The following ESRRG variants were observed in gnomAD, a reference collection of about 807,000 sequenced individuals.
ESRRG encodes the protein estrogen-related receptor gamma.
In ESRRG, 13 loss-of-function variants were observed where a neutral mutation model predicts 44.0. The observed-to-expected ratio is 0.30, with a 90% CI of 0.19 to 0.47. ESRRG has a LOEUF of 0.47. Ranked by LOEUF, ESRRG falls within the 20% of genes least tolerant of loss-of-function variation. The pLI is 1.00. For missense variants in ESRRG, 395 were observed against 580.6 expected (o/e 0.68, Z 3.29); for synonymous variants, 215 against 214.6 (o/e 1.00, Z -0.02).
chr1:216,972,984 C>G lies in ESRRG; in HGVS notation c.-105-33311G>C, dbSNP rs1174900868. On this transcript the variant is annotated intron_variant, in intron 1 of 7. Transcript: ENST00000359162. ...CATCGCCAGATCCTGTTGGCACTACCTTTGAAGCAGACCCAGGGAATCTAA... is the reference window on the plus strand; with the variant it reads ...CATCGCCAGATCCTGTTGGCACTACGTTTGAAGCAGACCCAGGGAATCTAA... 3.3e-5 allele frequency among the ~76,000 whole-genome samples: 5 copies of G among 152,118 alleles called. No individual in the cohort carries two copies. The East Asian group carries it at 9.7e-4, about 29-fold the overall frequency.
At chr1:217,015,200 G>A (rs905573521) in intron 1 of ESRRG, among the ~76,000 whole-genome samples, 3 of 152,092 alleles carry the variant, frequency 2.0e-5, no homozygotes, top group Non-Finnish European at 2.9e-5. Flanking sequence ...AATAGTGCAG[G>A]GGCTGATTGT....
chr1:217,021,804 G>C (rs2080367618), intron 1 of ESRRG, among the ~76,000 whole-genome samples: 2 of 152,178 alleles, frequency 1.3e-5, no homozygotes, highest in Admixed American at 1.3e-4. Flanking sequence ...AGCATCCTTT[G>C]TGCAATATTG....
intron 2 of ESRRG, among the ~76,000 whole-genome samples, chr1:216,908,600 G>GT (rs2059942779): frequency 6.6e-6 from 1 of 152,074 alleles, no homozygotes; most frequent in Non-Finnish European, 1.5e-5. Flanking sequence ...ATTTTCAGAG[G>GT]TTTTAGATTA....
At chr1:216,934,692 T>C (rs2149864857) in intron 2 of ESRRG, among the ~76,000 whole-genome samples, 1 of 152,244 alleles carries the variant, frequency 6.6e-6, no homozygotes, top group East Asian at 1.9e-4. Flanking sequence ...GATTCAGTTA[T>C]CTCCCACATG....
chr1:216,558,466 T>A (rs529084316), intron 5 of ESRRG, among the ~76,000 whole-genome samples: 19 of 152,310 alleles, frequency 1.2e-4, no homozygotes, highest in African/African-American at 4.3e-4. Context: ...TTAAAATTGA[T>A]GTTTGTTCTG....
intron 2 of ESRRG, among the ~76,000 whole-genome samples, chr1:216,904,020 A>T (rs2059400056): frequency 6.6e-6 from 1 of 152,092 alleles, no homozygotes; most frequent in Admixed American, 6.6e-5. Context: ...TAATTCAGTA[A>T]TTCAGTTTCC....
rs148434046 is a variant in ESRRG, at chr1:216,738,187, G to T, written c.-13-60696C>A. On this transcript the variant is annotated intron_variant, in intron 2 of 7. Coordinates refer to the ESRRG transcript ENST00000359162. ...TATTTTTGGGATAAGATCTACTGGG[G>T]TTTCAAACTGCAGCCAACATTAAAA... Among the ~76,000 whole-genome samples the T allele has an allele frequency of 4.6e-5, 7 of 152,122 alleles. No homozygotes were observed. In the East Asian group the frequency reaches 1.2e-3, roughly 25 times the overall value.
rs182523218 is a variant in ESRRG at position 216,610,875 on chromosome 1, C to T, written c.589+40098G>A. On this transcript the variant is annotated intron_variant, in intron 3 of 6. Transcript: ENST00000408911. ...TTAAGTAAGTGCCCAGGTTTACTTA[C>T]CTTAAAATGGTAGAGGCAGAACTGG... 2.0e-5 allele frequency among the ~76,000 whole-genome samples: 3 copies of T among 152,124 alleles called. No homozygotes were observed. In the East Asian group the frequency reaches 5.8e-4, roughly 29 times the overall value.
At chr1:216,584,867 G>A (rs2063472554) in intron 3 of ESRRG, among the ~76,000 whole-genome samples, 1 of 152,086 alleles carries the variant, frequency 6.6e-6, no homozygotes. Context: ...GGATATGATT[G>A]GAGAATATCA....
chr1:216,815,578 G>A (rs370627749), intron 2 of ESRRG, among the ~76,000 whole-genome samples: 8 of 152,122 alleles, frequency 5.3e-5, no homozygotes, highest in African/African-American at 1.4e-4. Context: ...AAGACCACCC[G>A]GGCTCAGGCC....
chr1:216,758,016 A>T (rs1345233336), intron 2 of ESRRG, among the ~76,000 whole-genome samples: 2 of 152,092 alleles, frequency 1.3e-5, no homozygotes, highest in Non-Finnish European at 2.9e-5. Flanking sequence ...AAAGAAAGAA[A>T]ATCCTCCTTG....
In ESRRG at chr1:216,516,666, C is replaced by CAG. The variant is rs777077033; in HGVS notation, c.1132+2485_1132+2486insCT. The stretch of plus-strand genomic sequence containing the variant: ...ACACACACACACACACACACACACA[C>CAG]ACAGAGAGAGAGAGAGAAACGACAA... On this transcript the variant is annotated intron_variant, in intron 6 of 6. Coordinates refer to ENST00000408911, the MANE Select transcript of ESRRG (RefSeq NM_001438.4). Among the ~76,000 whole-genome samples the CAG allele has an allele frequency of 6.0e-3, 771 of 128,400 alleles. 5 individuals carry two copies. Among genetic ancestry groups the CAG allele is most frequent in the African/African-American group, 0.026 (694 of 26,478 alleles). The allele number at this position is 128,400 out of a possible 152,430, so 84.2% of individuals were successfully genotyped here. A position where few individuals can be genotyped will look rare whatever the true frequency, so the allele number is the denominator to read the frequency against.
At position 216,833,023 on chromosome 1, in the gene ESRRG, AT is replaced by A. The variant is rs528723153; in HGVS notation, c.-14+106558del. 3.4e-3 allele frequency among the ~76,000 whole-genome samples: 473 copies of A among 139,950 alleles called. 8 individuals are homozygous for A. In the East Asian group the frequency reaches 0.041, roughly 12 times the overall value. The allele number at this position is 139,950 out of a possible 152,430, so 91.8% of individuals were successfully genotyped here. ...CCATCATGCTTTGTAAATTAATTTT[AT>A]TTTTTTTTCTCTGTAGGACACCCAA... On this transcript the variant is annotated intron_variant, in intron 2 of 7. Coordinates refer to the ESRRG transcript ENST00000359162.
intron 1 of ESRRG, among the ~76,000 whole-genome samples, chr1:217,012,624 G>A (rs762699209): frequency 5.9e-5 from 9 of 152,134 alleles, no homozygotes; most frequent in South Asian, 2.1e-4. Flanking sequence ...CACTTCTTCC[G>A]TCCTTTCCTT....
At chr1:216,808,757 A>C (rs141030528) in intron 2 of ESRRG, among the ~76,000 whole-genome samples, 1 of 152,114 alleles carries the variant, frequency 6.6e-6, no homozygotes, top group South Asian at 2.1e-4. Flanking sequence ...GGACTATAAC[A>C]TCAGGTTTGA....
intron 1 of ESRRG, among the ~76,000 whole-genome samples, chr1:217,097,849 A>AAAT (rs1185981609): frequency 6.6e-6 from 1 of 151,696 alleles, no homozygotes; most frequent in African/African-American, 2.4e-5. Context: ...TGCTTAAAAA[A>AAAT]AAAAAAAAAA....
At chr1:217,131,598 A>G (rs1026672595) in intron 1 of ESRRG, among the ~76,000 whole-genome samples, 6 of 152,216 alleles carry the variant, frequency 3.9e-5, no homozygotes, top group Admixed American at 3.9e-4. Flanking sequence ...AAATGCTTTT[A>G]TTTTATGTCA....
In ESRRG at chr1:216,686,513, A is replaced by G. The variant is rs529043567; in HGVS notation, c.57-9022T>C. 1.3e-3 allele frequency among the ~76,000 whole-genome samples: 205 copies of G among 151,968 alleles called. 1 individual carries two copies. The highest frequency in any genetic ancestry group is 4.7e-3 in the African/African-American group (196 of 41,470). On this transcript the variant is annotated intron_variant, in intron 1 of 6. Transcript: ENST00000408911. ...GCATCCAGTGAAGCCAGTAGAAGCCACTGAAAAGCCAAGAGTTCAAATCAG... is the reference window on the plus strand; with the variant it reads ...GCATCCAGTGAAGCCAGTAGAAGCCGCTGAAAAGCCAAGAGTTCAAATCAG...
intron 1 of ESRRG, among the ~76,000 whole-genome samples, chr1:217,004,941 A>C (rs945978315): frequency 6.6e-6 from 1 of 152,126 alleles, no homozygotes; most frequent in African/African-American, 2.4e-5. Context: ...TTCCCCCATG[A>C]GTCATATTGT....
Sources: gnomAD v4.1 joint callset for allele counts (sites outside exome capture counted in the v4.1 genomes callset) on GRCh38, gnomAD v4.1.1 for gene constraint, MANE v1.5 for transcripts, NCBI Gene and HGNC (gene_info 2026-07-23, HGNC 2026-07-21) for gene names.